The following ALPK3 variants were observed in gnomAD, a reference collection of about 807,000 sequenced individuals.
The protein encoded by ALPK3 is alpha kinase 3, also known as alpha-protein kinase 3.
A neutral mutation model predicts 140.0 loss-of-function variants in ALPK3; 102 were observed. The observed-to-expected ratio is 0.73, with a 90% CI of 0.62 to 0.86. The LOEUF (loss-of-function observed/expected upper bound fraction) is 0.86, where lower values mean the gene tolerates loss of function less well. Among genes scored for constraint, ALPK3 ranks in the 40% least tolerant of loss-of-function variants. The probability of loss-of-function intolerance (pLI) is 0.00; values close to 1 mark genes in which losing one functional copy is unlikely to be tolerated. For synonymous variants in ALPK3, 938 were observed against 898.5 expected (o/e 1.04, Z -0.79); for missense variants, 2,254 against 2,208.2 (o/e 1.02, Z -0.42).
chr15:84,837,089 A>G lies in ALPK3; in HGVS notation c.305-1891A>G, dbSNP rs528005310. Among the ~76,000 whole-genome samples the G allele has an allele frequency of 2.0e-4, 31 of 152,366 alleles. No homozygotes were observed. The South Asian group carries it at 6.0e-3, about 30-fold the overall frequency. On this transcript the variant is annotated intron_variant, in intron 3 of 13. Coordinates refer to ENST00000258888, the MANE Select transcript of ALPK3 (RefSeq NM_020778.5). ...CTGACAAGAGCAATTCTGGTGCAAG[A>G]GAGGCTATAAAGTCTGATTTGAGGA...
intron 3 of ALPK3, among the ~76,000 whole-genome samples, chr15:84,835,229 G>A (rs1187709801): frequency 6.6e-6 from 1 of 152,200 alleles, no homozygotes; most frequent in Admixed American, 6.5e-5. Context: ...GCTGGCTCTG[G>A]TCACACACAC....
At chr15:84,867,400 C>G in intron 13 of ALPK3, 35 bp downstream of exon 13, 1 of 1,611,690 alleles carries the variant, frequency 6.2e-7, no homozygotes, top group Non-Finnish European at 8.5e-7. Context: ...GCCCTCTGGG[C>G]GTCTTCTCAG....
chr15:84,817,627 G>T lies in ALPK3; in HGVS notation c.143+32G>T, dbSNP rs753576331. 3 of 1,470,272 alleles carry T rather than the reference G, an allele frequency of 2.0e-6. No homozygotes were observed. In the South Asian group the frequency reaches 3.9e-5, roughly 19 times the overall value. 91.1% of individuals were successfully genotyped at this position (1,470,272 alleles called of 1,614,324 possible). On this transcript the variant is annotated intron_variant, in intron 1 of 13. Coordinates refer to ENST00000258888, the MANE Select transcript of ALPK3 (RefSeq NM_020778.5). Reference sequence around the variant, plus strand: ...GGCACCAAGGGGCAGGGCGGCGTCGGGCCGGCGATGCCCTGGGATCAGTCC... The same window carrying T: ...GGCACCAAGGGGCAGGGCGGCGTCGTGCCGGCGATGCCCTGGGATCAGTCC...
intron 5 of ALPK3, among the ~76,000 whole-genome samples, chr15:84,852,845 T>C (rs1330742206): frequency 1.3e-5 from 2 of 152,174 alleles, no homozygotes; most frequent in African/African-American, 4.8e-5. Flanking sequence ...GGTTTGTGTT[T>C]TGGAAAGGTC....
Position 84,840,877 on chromosome 15 carries a change from A to T in ALPK3, c.1598A>T (p.His533Leu). ...QVPTPPARRR[H>L]GTRDSTLQGQ... The stretch of plus-strand genomic sequence containing the variant: ...CCGACGCCCCCTGCCCGGCGGAGAC[A>T]TGGCACCCGGGACAGCACGTTGCAG... Residue 533 changes from histidine to leucine, a missense_variant, in exon 5 of 14, where the codon CAT becomes CTT. This residue lies in a region of ALPK3 where 2,088 missense variants were observed against 2,022.9 expected (regional missense o/e 1.03). Transcript: ENST00000258888. 1.2e-6 allele frequency: 2 copies of T among 1,613,754 alleles called. No individual in the cohort carries two copies. Among genetic ancestry groups the T allele is most frequent in the Non-Finnish European group, 8.5e-7 (1 of 1,179,880 alleles).
chr15:84,829,458 TGA>T (rs1051013822), intron 3 of ALPK3, among the ~76,000 whole-genome samples: 2 of 152,180 alleles, frequency 1.3e-5, no homozygotes, highest in African/African-American at 4.8e-5. Context: ...CAGGACACCC[TGA>T]GAGAGAGAAG....
At chr15:84,819,007 C>T (rs189427034) in intron 1 of ALPK3, among the ~76,000 whole-genome samples, 8 of 152,102 alleles carry the variant, frequency 5.3e-5, no homozygotes, top group Non-Finnish European at 8.8e-5. Flanking sequence ...ACAGAAGAGG[C>T]GGAACCAGGG....
At position 84,862,908 on chromosome 15, in the gene ALPK3, C is replaced by T; in HGVS notation, c.4403C>T (p.Thr1468Ile). Residue 1468 changes from threonine (T) to isoleucine (I), a missense_variant, in exon 10 of 14, where the codon ACC becomes ATC. Thr to Ile is a moderately conservative substitution (Grantham distance 89). Coordinates refer to ENST00000258888, the MANE Select transcript of ALPK3 (RefSeq NM_020778.5). Reference sequence around the variant, plus strand: ...CTTGTGGGCAGAAACTACGACGTCACCATCCAGGTACTATGTCCCATCTTC... The same window carrying T: ...CTTGTGGGCAGAAACTACGACGTCATCATCCAGGTACTATGTCCCATCTTC... ...TSLVGRNYDVTIQGCKIQNMS... is the reference protein window; with the variant it reads ...TSLVGRNYDVIIQGCKIQNMS... 5 of 1,613,436 alleles carry T rather than the reference C, an allele frequency of 3.1e-6. No individual in the cohort carries two copies. Among genetic ancestry groups the T allele is most frequent in the Non-Finnish European group, 4.2e-6 (5 of 1,179,548 alleles).
chr15:84,858,190 TC>T lies in ALPK3; in HGVS notation c.3455del (p.Pro1152ArgfsTer10). ...TTCCCAGGGGAGGCTCTGACAGGTC[TC>T]CCGGCAGCTACACCTGAGGAACTGG... The part of the protein sequence containing the change: ...EKFPGEALTG[L>X]PAATPEELAL... On this transcript the variant is annotated frameshift_variant, in exon 6 of 14. Transcript: ENST00000258888. LOFTEE classifies it high-confidence loss of function. The T allele has an allele frequency of 6.2e-7, 1 of 1,612,364 alleles. No individual in the cohort carries two copies. Among genetic ancestry groups the T allele is most frequent in the Non-Finnish European group, 8.5e-7 (1 of 1,179,336 alleles).
At position 84,817,368 on chromosome 15, in the gene ALPK3, G is replaced by A. The variant is rs2141542033; in HGVS notation, c.-85G>A. ...GTCAGCCGCGGGCGGGAGCGGCGGC[G>A]GCGGGCAGGGGCCCGGGGGCCGGGG... On this transcript the variant is annotated 5_prime_UTR_variant, in exon 1 of 14. Coordinates refer to ENST00000258888, the MANE Select transcript of ALPK3 (RefSeq NM_020778.5). 7 of 1,225,742 alleles carry A rather than the reference G, an allele frequency of 5.7e-6. No individual in the cohort carries two copies. The South Asian group carries it at 2.4e-4, about 42-fold the overall frequency. The allele number at this position is 1,225,742 out of a possible 1,614,324, so 75.9% of individuals were successfully genotyped here.
chr15:84,857,614 C>A lies in ALPK3; in HGVS notation c.2876C>A (p.Ser959Tyr). The stretch of plus-strand genomic sequence containing the variant: ...AGCTGTGACCCTGGCCTCATAGATT[C>A]CCTGAAGAACTACCTGCTTCTGCTG... ...PRSCDPGLID[S>Y]LKNYLLLLLK... The change falls in exon 6 of 14, where the codon TCC (serine) becomes TAC (tyrosine). Residue 959 changes from serine (S) to tyrosine (Y), a missense_variant. Physicochemically the swap from Ser to Tyr is moderately radical, Grantham distance 144. Around this residue, in one of 3 missense-constraint regions of ALPK3, gnomAD observed 2,088 missense variants for 2,022.9 expected, o/e 1.03. Transcript: ENST00000258888. 6.3e-7 allele frequency: 1 copy of A among 1,577,440 alleles called. No homozygotes were observed. The highest frequency in any genetic ancestry group is 1.8e-5 in the Admixed American group (1 of 57,080).
At chr15:84,856,067 G>A (rs1255156857) in intron 5 of ALPK3, among the ~76,000 whole-genome samples, 1 of 152,194 alleles carries the variant, frequency 6.6e-6, no homozygotes, top group Non-Finnish European at 1.5e-5. Context: ...TAGGGGTGAG[G>A]GGTGGAATAA....
At chr15:84,850,879 T>TATACACACAC (rs144798232) in intron 5 of ALPK3, among the ~76,000 whole-genome samples, 214 of 142,464 alleles carry the variant, frequency 1.5e-3, no homozygotes, top group African/African-American at 5.2e-3. Flanking sequence ...GTTCCAGATA[T>TATACACACAC]ACACACACAC....
At chr15:84,867,254 G>A (rs1272040698) in intron 12 of ALPK3, 63 bp from the exon 13 acceptor site, 1 of 1,560,426 alleles carries the variant, frequency 6.4e-7, no homozygotes, top group Non-Finnish European at 8.8e-7. Context: ...TCTTCCTGCT[G>A]GAGATGTGGG....
At position 84,856,618 on chromosome 15, in the gene ALPK3, C is replaced by G; in HGVS notation, c.1880C>G (p.Thr627Arg). 1 of 1,614,080 alleles carries G rather than the reference C, an allele frequency of 6.2e-7. No homozygotes were observed. Reference protein sequence around the residue: ...QVDGRTRGDGTQTAQRTRADR... With the variant: ...QVDGRTRGDGRQTAQRTRADR... ...GATGGAAGGACCAGGGGAGATGGAA[C>G]ACAGACAGCCCAGAGGACACGTGCA... The change falls in exon 6 of 14, where the codon ACA (threonine) becomes AGA (arginine). Residue 627 changes from threonine (T) to arginine (R), a missense_variant. Thr to Arg is a moderately conservative substitution (Grantham distance 71, BLOSUM62 -1). Around this residue, in one of 3 missense-constraint regions of ALPK3, gnomAD observed 2,088 missense variants for 2,022.9 expected, o/e 1.03. Transcript: ENST00000258888.
Position 84,859,304 on chromosome 15 carries a change from G to C in ALPK3, c.3879G>C (p.Lys1293Asn), listed in dbSNP as rs549522990. The change falls in exon 7 of 14, where the codon AAG (lysine) becomes AAC (asparagine). Residue 1293 changes from lysine to asparagine, a missense_variant. This residue lies in a region of ALPK3 where 2,088 missense variants were observed against 2,022.9 expected (regional missense o/e 1.03). Coordinates refer to ENST00000258888, the MANE Select transcript of ALPK3 (RefSeq NM_020778.5). ...EQFPDASGSL[K>N]LWCQFFNILS... ...TTCCTGATGCCTCCGGTAGCCTGAA[G>C]CTGTGGTGCCAGTTTTTCAACATTC... 1.2e-6 allele frequency: 2 copies of C among 1,614,204 alleles called. No homozygotes were observed. Among genetic ancestry groups the C allele is most frequent in the Non-Finnish European group, 8.5e-7 (1 of 1,180,014 alleles).
At chr15:84,829,193 C>T (rs924738094) in intron 3 of ALPK3, among the ~76,000 whole-genome samples, 2 of 152,156 alleles carry the variant, frequency 1.3e-5, no homozygotes, top group African/African-American at 2.4e-5. Context: ...CTGAGTACTA[C>T]GTGAAATTCT....
At position 84,840,410 on chromosome 15, in the gene ALPK3, G is replaced by C; in HGVS notation, c.1131G>C (p.Gly377=). 2 of 1,613,926 alleles carry C rather than the reference G, an allele frequency of 1.2e-6. No homozygotes were observed. The highest frequency in any genetic ancestry group is 1.7e-6 in the Non-Finnish European group (2 of 1,179,906). ...AGCCCAGAGGCAGGGCTGCACGGGG[G>C]CCTGGGTCCTCTGGCACAGATAGTA... ...QTQPRGRAAR[G]PGSSGTDSTR... Residue 377 remains glycine, a synonymous_variant, in exon 5 of 14, where the codon GGG becomes GGC. Coordinates refer to ENST00000258888, the MANE Select transcript of ALPK3 (RefSeq NM_020778.5).
intron 3 of ALPK3, among the ~76,000 whole-genome samples, chr15:84,831,534 C>T (rs891319034): frequency 7.9e-5 from 12 of 152,088 alleles, no homozygotes; most frequent in Non-Finnish European, 1.5e-4. Flanking sequence ...CTGTAGCATC[C>T]TGCACTTTTC....
Sources: allele counts gnomAD v4.1 joint callset (sites outside exome capture counted in the v4.1 genomes callset), GRCh38; gene constraint gnomAD v4.1.1; regional missense constraint gnomAD v4.1.1; transcripts MANE v1.5; gene names NCBI Gene and HGNC (gene_info 2026-07-23, HGNC 2026-07-21).